The following MFF variants were observed in gnomAD, a reference collection of about 807,000 sequenced individuals.
MFF encodes mitochondrial fission factor.
In MFF, 12 loss-of-function variants were observed where a neutral mutation model predicts 36.9. The observed-to-expected ratio is 0.33, with a 90% CI of 0.21 to 0.53. MFF has a LOEUF of 0.53. Ranked by LOEUF, MFF falls within the 20% of genes least tolerant of loss-of-function variation. MFF has a pLI of 0.95. For missense variants in MFF, 348 were observed against 366.6 expected (o/e 0.95, Z 0.42); for synonymous variants, 99 against 126.2 (o/e 0.78, Z 1.44).
intron 5 of MFF, among the ~76,000 whole-genome samples, chr2:227,343,723 T>C (rs1222300404): frequency 6.6e-6 from 1 of 152,184 alleles, no homozygotes; most frequent in African/African-American, 2.4e-5. Context: ...AATAATGATA[T>C]AGTTATGCCA....
chr2:227,326,269 AACCATTTGTATTCAGGCCTCTC>A (rs1189480323), intron 1 of MFF, among the ~76,000 whole-genome samples: 1 of 151,684 alleles, frequency 6.6e-6, no homozygotes, highest in Non-Finnish European at 1.5e-5. Context: ...CCAAATATAG[AACCATTTGTATTCAGGCCTCTC>A]ATCCACCGAG....
At chr2:227,342,628 A>G (rs982975252) in intron 5 of MFF, 18 of 743,778 alleles carry the variant, frequency 2.4e-5, no homozygotes, top group South Asian at 1.8e-4. Flanking sequence ...CGAAGAGGCA[A>G]TAAGATTGTG....
rs561038133 is a variant in MFF at position 227,330,424 on chromosome 2, C to T, written c.-40-202C>T. On this transcript the variant is annotated intron_variant, in intron 2 of 8. Coordinates refer to ENST00000304593, the MANE Select transcript of MFF (RefSeq NM_001277062.2). ...GCTCCTAAGCAATATCCTCAAGGTA[C>T]AATTTCAGCTGATAATTAAGAAGGC... is the stretch of plus-strand genomic sequence containing the variant. The T allele has an allele frequency of 5.7e-5, 32 of 558,974 alleles. No homozygotes were observed. The East Asian group carries it at 6.8e-4, about 12-fold the overall frequency. The allele number at this position is 558,974 out of a possible 1,614,324, so 34.6% of individuals were successfully genotyped here.
chr2:227,330,600 C>G (rs1172787140), intron 2 of MFF, 26 bp from the exon 3 acceptor site: 12 of 1,352,114 alleles, frequency 8.9e-6, no homozygotes, highest in Non-Finnish European at 1.2e-5. Context: ...AACAGTCAGC[C>G]CTGTCTTTAA....
intron 4 of MFF, among the ~76,000 whole-genome samples, chr2:227,338,355 G>A (rs1212887618): frequency 1.3e-4 from 3 of 22,354 alleles, no homozygotes; most frequent in African/African-American, 2.1e-4. Context: ...GGGGAACAGA[G>A]TGACACTCTG....
intron 7 of MFF, among the ~76,000 whole-genome samples, chr2:227,354,926 T>C (rs2076184934): frequency 6.6e-6 from 1 of 152,138 alleles, no homozygotes; most frequent in Non-Finnish European, 1.5e-5. Context: ...TTTAGGAGGC[T>C]GAGGTGGGTG....
At chr2:227,338,360 AC>A (rs2075158523) in intron 4 of MFF, among the ~76,000 whole-genome samples, 2 of 146,806 alleles carry the variant, frequency 1.4e-5, no homozygotes, top group African/African-American at 2.5e-5. Flanking sequence ...ACAGAGTGAC[AC>A]TCTGTCTCAA....
chr2:227,350,698 A>G (rs538805661), intron 6 of MFF, among the ~76,000 whole-genome samples: 1 of 152,300 alleles, frequency 6.6e-6, no homozygotes, highest in South Asian at 2.1e-4. Context: ...ATAGCAAAGA[A>G]ACACATATTC....
intron 5 of MFF, among the ~76,000 whole-genome samples, chr2:227,345,853 G>A (rs909912921): frequency 6.6e-6 from 1 of 152,122 alleles, no homozygotes; most frequent in African/African-American, 2.4e-5. Flanking sequence ...CTGAAAATTT[G>A]AGTTTATCTT....
At chr2:227,326,591 GCTCTC>G (rs2074160320) in intron 1 of MFF, among the ~76,000 whole-genome samples, 1 of 152,024 alleles carries the variant, frequency 6.6e-6, no homozygotes, top group African/African-American at 2.4e-5. Context: ...TTTAGTCTTC[GCTCTC>G]CTCTCTTCTG....
At chr2:227,339,910 A>G (rs1213507467) in intron 4 of MFF, among the ~76,000 whole-genome samples, 1 of 152,216 alleles carries the variant, frequency 6.6e-6, no homozygotes, top group Non-Finnish European at 1.5e-5. Context: ...TATAATACAG[A>G]TGCTCTCCAT....
chr2:227,355,908 A>G, intron 8 of MFF, 147 bp downstream of exon 8: 6 of 555,636 alleles, frequency 1.1e-5, no homozygotes, highest in South Asian at 9.7e-5. Context: ...GATTAAAGAT[A>G]TATTAAACTA....
intron 8 of MFF, 119 bp from the exon 9 acceptor site, chr2:227,356,867 C>G (rs1300272992): frequency 2.5e-6 from 2 of 791,122 alleles, no homozygotes; most frequent in African/African-American, 3.5e-5. Context: ...TGAAACTTTC[C>G]ATGTTTGTAA....
chr2:227,337,408 TG>T (rs1467491852), intron 4 of MFF, among the ~76,000 whole-genome samples: 2 of 151,950 alleles, frequency 1.3e-5, no homozygotes, highest in African/African-American at 4.8e-5. Context: ...CCACAGAAAA[TG>T]GGGGTGAGTA....
intron 4 of MFF, among the ~76,000 whole-genome samples, chr2:227,339,365 G>T (rs770414878): frequency 1.3e-5 from 2 of 152,168 alleles, no homozygotes; most frequent in Admixed American, 1.3e-4. Flanking sequence ...TGCAGTTGCC[G>T]TGAAGGGAAA....
rs1444635716 is a variant in MFF, at chr2:227,357,226, C to T, written c.*109C>T. On this transcript the variant is annotated 3_prime_UTR_variant, in exon 9 of 9. Coordinates refer to ENST00000304593, the MANE Select transcript of MFF (RefSeq NM_001277062.2). ...TGTATGCCATTTTATAGTCCACACCCTGAAAATGTATTTCTTCCAGAAAGT... is the reference window on the plus strand; with the variant it reads ...TGTATGCCATTTTATAGTCCACACCTTGAAAATGTATTTCTTCCAGAAAGT... 1.7e-6 allele frequency: 2 copies of T among 1,189,930 alleles called. No homozygotes were observed. The highest frequency in any genetic ancestry group is 1.5e-5 in the African/African-American group (1 of 66,966). The allele number at this position is 1,189,930 out of a possible 1,614,324, so 73.7% of individuals were successfully genotyped here.
At position 227,330,951 on chromosome 2, in the gene MFF, A is replaced by G. The variant is rs201821102; in HGVS notation, c.181+105A>G. 98 of 872,772 alleles carry G rather than the reference A, an allele frequency of 1.1e-4. No individual in the cohort carries two copies. In the East Asian group the frequency reaches 2.3e-3, roughly 20 times the overall value. 54.1% of individuals were successfully genotyped at this position (872,772 alleles called of 1,614,324 possible). On this transcript the variant is annotated intron_variant, in intron 3 of 8. Transcript: ENST00000304593. ...ATGTTATTTAGAAAAGGAGTTGGAA[A>G]ATGCAACTTTATACTTTTGAAATTT...
At chr2:227,338,819 A>AG (rs1463336464) in intron 4 of MFF, among the ~76,000 whole-genome samples, 2 of 151,068 alleles carry the variant, frequency 1.3e-5, no homozygotes, top group Non-Finnish European at 3.0e-5. Flanking sequence ...TGGGCGACAG[A>AG]ACAAGACTCT....
At chr2:227,336,994 A>C (rs1399220748) in intron 4 of MFF, among the ~76,000 whole-genome samples, 1 of 152,234 alleles carries the variant, frequency 6.6e-6, no homozygotes, top group Non-Finnish European at 1.5e-5. Flanking sequence ...GGGTCTGATC[A>C]CACTTTGGTG....
Sources: allele counts gnomAD v4.1 joint callset (sites outside exome capture counted in the v4.1 genomes callset), GRCh38; gene constraint gnomAD v4.1.1; transcripts MANE v1.5; gene names NCBI Gene and HGNC (gene_info 2026-07-23, HGNC 2026-07-21).